The following CEP112 variants were observed in gnomAD, a reference collection of about 807,000 sequenced individuals.
CEP112 encodes centrosomal protein of 112 kDa.
In CEP112, 127 loss-of-function variants were observed where a neutral mutation model predicts 153.0. The observed-to-expected ratio is 0.83, with a 90% confidence interval of 0.72 to 0.96. The LOEUF is 0.96. Among genes scored for constraint, CEP112 ranks in the 40% least tolerant of loss-of-function variants. CEP112 has a pLI of 0.00. For missense variants in CEP112, 1,089 were observed against 1,101.2 expected (o/e 0.99, Z 0.16); for synonymous variants, 358 against 374.4 (o/e 0.96, Z 0.51).
chr17:65,679,444 G>A (rs2047406947), intron 24 of CEP112, among the ~76,000 whole-genome samples: 1 of 151,922 alleles, frequency 6.6e-6, no homozygotes, highest in Non-Finnish European at 1.5e-5. Flanking sequence ...TGCAATTCCT[G>A]TTTTCATAAC....
intron 24 of CEP112, among the ~76,000 whole-genome samples, chr17:65,663,562 T>C (rs1287875786): frequency 6.6e-6 from 1 of 152,126 alleles, no homozygotes; most frequent in Non-Finnish European, 1.5e-5. Context: ...GACTGGTGGG[T>C]AGTTAGGTGA....
intron 22 of CEP112, among the ~76,000 whole-genome samples, chr17:65,745,885 C>T (rs1432023587): frequency 3.3e-5 from 5 of 152,088 alleles, no homozygotes; most frequent in South Asian, 2.1e-4. Flanking sequence ...GGAACAGGGA[C>T]ATTTCTCATT....
intron 20 of CEP112, among the ~76,000 whole-genome samples, chr17:65,899,082 A>C (rs1370607512): frequency 3.3e-5 from 5 of 152,228 alleles, no homozygotes. Context: ...ATGTCAGAAG[A>C]AGCTAAGATT....
At chr17:66,068,498 T>A (rs1598283877) in intron 9 of CEP112, among the ~76,000 whole-genome samples, 1 of 152,270 alleles carries the variant, frequency 6.6e-6, no homozygotes, top group Admixed American at 6.5e-5. Context: ...AAAGAATGTA[T>A]ACTAATAGGT....
At chr17:65,812,864 A>T (rs2056062048) in intron 21 of CEP112, among the ~76,000 whole-genome samples, 1 of 152,180 alleles carries the variant, frequency 6.6e-6, no homozygotes, top group Non-Finnish European at 1.5e-5. Context: ...AAATATATAC[A>T]CTTTAGAGTT....
At chr17:65,691,866 G>C (rs1208355416) in intron 23 of CEP112, among the ~76,000 whole-genome samples, 1 of 152,140 alleles carries the variant, frequency 6.6e-6, no homozygotes, top group African/African-American at 2.4e-5. Flanking sequence ...CACTGTCAGA[G>C]TGAACTTCTT....
At chr17:65,880,349 A>G (rs377354050) in intron 20 of CEP112, among the ~76,000 whole-genome samples, 6 of 152,164 alleles carry the variant, frequency 3.9e-5, no homozygotes, top group African/African-American at 9.7e-5. Flanking sequence ...ATGATAATGG[A>G]TATCATCACG....
At chr17:66,190,749 A>G (rs1454562579) in intron 1 of CEP112, among the ~76,000 whole-genome samples, 3 of 152,218 alleles carry the variant, frequency 2.0e-5, no homozygotes, top group Non-Finnish European at 4.4e-5. Context: ...TTGGACAGCT[A>G]CAAAATGGGC....
At chr17:65,863,513 A>G (rs1211878380) in intron 20 of CEP112, among the ~76,000 whole-genome samples, 2 of 152,064 alleles carry the variant, frequency 1.3e-5, no homozygotes, top group Admixed American at 6.6e-5. Flanking sequence ...CACGCCTGTA[A>G]TCCCAGCACT....
intron 23 of CEP112, among the ~76,000 whole-genome samples, chr17:65,712,568 T>C (rs1436358347): frequency 6.6e-6 from 1 of 152,188 alleles, no homozygotes; most frequent in Non-Finnish European, 1.5e-5. Flanking sequence ...CCTCATCATG[T>C]AGTTACCGCC....
At chr17:66,188,293 ACAC>A (rs2073019717) in intron 1 of CEP112, among the ~76,000 whole-genome samples, 1 of 117,636 alleles carries the variant, frequency 8.5e-6, no homozygotes, top group African/African-American at 3.3e-5. Context: ...ACAAACACAC[ACAC>A]ACACACACAC....
intron 6 of CEP112, among the ~76,000 whole-genome samples, chr17:66,117,582 GA>G (rs1272913665): frequency 6.6e-6 from 1 of 152,138 alleles, no homozygotes; most frequent in East Asian, 1.9e-4. Flanking sequence ...TTCTGTTGGT[GA>G]AACACTCCAG....
intron 20 of CEP112, among the ~76,000 whole-genome samples, chr17:65,892,126 C>G (rs922750831): frequency 6.6e-6 from 1 of 152,172 alleles, no homozygotes; most frequent in Non-Finnish European, 1.5e-5. Flanking sequence ...ATAGGCCATG[C>G]CCTGTACAAC....
At chr17:65,940,944 T>C (rs533992420) in intron 18 of CEP112, among the ~76,000 whole-genome samples, 51 of 152,302 alleles carry the variant, frequency 3.3e-4, no homozygotes, top group African/African-American at 1.1e-3. Flanking sequence ...GTTTTAATCA[T>C]CTACATTGTG....
At chr17:66,121,597 G>T (rs2069593858) in intron 6 of CEP112, among the ~76,000 whole-genome samples, 1 of 151,776 alleles carries the variant, frequency 6.6e-6, no homozygotes, top group African/African-American at 2.4e-5. Context: ...CTATCTTCAA[G>T]TTCACTGAAT....
chr17:65,752,300 T>C (rs899334960), intron 21 of CEP112, among the ~76,000 whole-genome samples: 3 of 152,144 alleles, frequency 2.0e-5, no homozygotes, highest in South Asian at 2.1e-4. Flanking sequence ...CATATATGTA[T>C]GGGTTTGTGG....
intron 21 of CEP112, among the ~76,000 whole-genome samples, chr17:65,822,722 A>G (rs758600500): frequency 6.6e-6 from 1 of 152,164 alleles, no homozygotes; most frequent in Non-Finnish European, 1.5e-5. Context: ...CCAGTTTATT[A>G]ATAACATATA....
intron 19 of CEP112, among the ~76,000 whole-genome samples, chr17:65,927,381 A>G (rs1044889047): frequency 1.3e-5 from 2 of 152,172 alleles, no homozygotes; most frequent in Non-Finnish European, 2.9e-5. Flanking sequence ...CAGATAAAAC[A>G]AACAGTCAGA....
chr17:65,648,254 C>A (rs946186903), intron 24 of CEP112, among the ~76,000 whole-genome samples: 1 of 152,158 alleles, frequency 6.6e-6, no homozygotes, highest in African/African-American at 2.4e-5. Flanking sequence ...GGTTACTTCT[C>A]TCTCTACCTT....
Sources: allele counts gnomAD v4.1 joint callset (sites outside exome capture counted in the v4.1 genomes callset), GRCh38; gene constraint gnomAD v4.1.1; transcripts MANE v1.5; gene names NCBI Gene and HGNC (gene_info 2026-07-23, HGNC 2026-07-21).